Variants in APBB1IP observed in about 807,000 individuals in gnomAD.
APBB1IP encodes the protein amyloid beta precursor protein binding family B member 1 interacting protein.
APBB1IP carries 27 observed loss-of-function variants against 64.9 expected under a neutral mutation model. The ratio of observed to expected loss-of-function variants is 0.42; its 90% CI spans 0.31 to 0.57. APBB1IP has a LOEUF of 0.57. APBB1IP is among the 20% of genes least tolerant of loss of function. APBB1IP has a pLI of 0.20. For synonymous variants in APBB1IP, 392 were observed against 331.0 expected (o/e 1.18, Z -2.00); for missense variants, 812 against 845.5 (o/e 0.96, Z 0.49).
At chr10:26,515,128 G>A (rs748839658) in intron 8 of APBB1IP, among the ~76,000 whole-genome samples, 5 of 149,654 alleles carry the variant, frequency 3.3e-5, no homozygotes, top group Admixed American at 6.8e-5. Context: ...TGATCCGCCC[G>A]CCTTGGCCTC....
In APBB1IP at chr10:26,446,393, G is replaced by T. The variant is rs377053828; in HGVS notation, c.-1+7540G>T. Among the ~76,000 whole-genome samples, 200 of 152,286 alleles carry T rather than the reference G, an allele frequency of 1.3e-3. 3 individuals carry two copies. The highest frequency in any genetic ancestry group is 2.3e-3 in the Admixed American group (35 of 15,290). ...ATTTCTTCATGTGTTTACTCATTCT[G>T]TGGCATTATATTTCCCTTGTTGTAA... On this transcript the variant is annotated intron_variant, in intron 2 of 14. Coordinates refer to ENST00000376236, the MANE Select transcript of APBB1IP (RefSeq NM_019043.4).
At chr10:26,517,736 A>G (rs1351989277) in intron 8 of APBB1IP, among the ~76,000 whole-genome samples, 1 of 152,230 alleles carries the variant, frequency 6.6e-6, no homozygotes, top group Non-Finnish European at 1.5e-5. Context: ...TTTCACTGTT[A>G]GAATTCCATT....
At chr10:26,545,180 T>G (rs1050865850) in intron 11 of APBB1IP, among the ~76,000 whole-genome samples, 1 of 152,232 alleles carries the variant, frequency 6.6e-6, no homozygotes, top group East Asian at 1.9e-4. Context: ...CCTAATTTGT[T>G]TATGAACATT....
intron 2 of APBB1IP, among the ~76,000 whole-genome samples, chr10:26,442,928 T>A (rs1365290907): frequency 1.3e-5 from 2 of 152,322 alleles, no homozygotes; most frequent in Non-Finnish European, 1.5e-5. Context: ...CATGGCAGAC[T>A]GGAGTCAGGT....
chr10:26,560,790 C>T lies in APBB1IP; in HGVS notation c.1315C>T (p.Arg439Trp), dbSNP rs373720475. 120 of 1,609,796 alleles carry T rather than the reference C, an allele frequency of 7.5e-5. No individual in the cohort carries two copies. Among genetic ancestry groups the T allele is most frequent in the East Asian group, 6.5e-4 (29 of 44,816 alleles). ...RAVAKAGLAS[R>W]WTNLGTVNAA... ...TGTGGCAAAGGCTGGACTTGCCTCT[C>T]GGTGGACAAACTTGGGGACAGTCAA... Residue 439 changes from arginine to tryptophan, a missense_variant, in exon 13 of 15, where the codon CGG (arginine) becomes TGG (tryptophan). Arg to Trp is a moderately radical substitution (Grantham distance 101). This residue lies in a region of APBB1IP where 381 missense variants were observed against 352.1 expected (regional missense o/e 1.08). Transcript: ENST00000376236.
At chr10:26,565,213 C>G (rs1837024932) in intron 14 of APBB1IP, among the ~76,000 whole-genome samples, 1 of 152,180 alleles carries the variant, frequency 6.6e-6, no homozygotes, top group Admixed American at 6.5e-5. Context: ...CCTCAACCCC[C>G]AGGAGTTGCT....
At chr10:26,523,660 G>A (rs1836433363) in intron 8 of APBB1IP, among the ~76,000 whole-genome samples, 1 of 151,958 alleles carries the variant, frequency 6.6e-6, no homozygotes, top group South Asian at 2.1e-4. Flanking sequence ...AGGGGCGGGG[G>A]GACACAGTTG....
intron 8 of APBB1IP, among the ~76,000 whole-genome samples, chr10:26,518,194 C>A (rs1046463456): frequency 3.3e-5 from 5 of 149,782 alleles, no homozygotes; most frequent in Non-Finnish European, 7.4e-5. Flanking sequence ...CTCATGTGAT[C>A]TGCCTGCCTC....
Position 26,560,833 on chromosome 10 carries a change from A to G in APBB1IP, c.1358A>G (p.Gln453Arg). 1 of 1,595,156 alleles carries G rather than the reference A, an allele frequency of 6.3e-7. No homozygotes were observed. The change falls in exon 13 of 15, where the codon CAG (glutamine) becomes CGG (arginine). Residue 453 changes from glutamine (Q) to arginine (R), a missense_variant. By Grantham distance (43) the Gln-to-Arg change is conservative. Coordinates refer to ENST00000376236, the MANE Select transcript of APBB1IP (RefSeq NM_019043.4). The stretch of plus-strand genomic sequence containing the variant: ...ACAGTCAATGCAGCTGCACCAGCTC[A>G]GCCATCTACAGGTACTAAGTGGAGG... ...LGTVNAAAPA[Q>R]PSTGPKTGTT... is the part of the protein sequence containing the mutation.
intron 14 of APBB1IP, among the ~76,000 whole-genome samples, chr10:26,563,095 T>C (rs1198963183): frequency 6.6e-6 from 1 of 152,324 alleles, no homozygotes; most frequent in Non-Finnish European, 1.5e-5. Flanking sequence ...GGATTTTACT[T>C]GCCTTTTTTG....
At position 26,444,727 on chromosome 10, in the gene APBB1IP, C is replaced by T. The variant is rs542948726; in HGVS notation, c.-1+5874C>T. ...AGCAGGGTAACCATTTGGGAAGATA[C>T]TGTTATTGCTCCTATTTTGCAAATT... On this transcript the variant is annotated intron_variant, in intron 2 of 14. Coordinates refer to ENST00000376236, the MANE Select transcript of APBB1IP (RefSeq NM_019043.4). Among the ~76,000 whole-genome samples, 21 of 152,254 alleles carry T rather than the reference C, an allele frequency of 1.4e-4. No individual in the cohort carries two copies. The South Asian group carries it at 2.1e-3, about 15-fold the overall frequency.
chr10:26,441,472 C>CT (rs1835337693), intron 2 of APBB1IP, among the ~76,000 whole-genome samples: 2 of 152,142 alleles, frequency 1.3e-5, no homozygotes, highest in Non-Finnish European at 2.9e-5. Flanking sequence ...CTGAGGACAG[C>CT]TTTTGGGGGA....
intron 2 of APBB1IP, among the ~76,000 whole-genome samples, chr10:26,456,110 G>A (rs1314662371): frequency 1.3e-5 from 2 of 152,148 alleles, no homozygotes; most frequent in Non-Finnish European, 2.9e-5. Context: ...AGGAGTGAAC[G>A]GATACAGGGT....
In APBB1IP at chr10:26,497,548, C is replaced by CT. The variant is rs747623310; in HGVS notation, c.160+1158dup. Among the ~76,000 whole-genome samples, 18 of 149,484 alleles carry CT rather than the reference C, an allele frequency of 1.2e-4. No individual in the cohort carries two copies. In the East Asian group the frequency reaches 1.8e-3, roughly 15 times the overall value. ...CCTGGGCGGCAGAGCGAGACTCTGCCTCAAAAAAAAAAAGTCTTGAAACAA... is the reference window on the plus strand; with the variant it reads ...CCTGGGCGGCAGAGCGAGACTCTGCCTTCAAAAAAAAAAAGTCTTGAAACAA... On this transcript the variant is annotated intron_variant, in intron 4 of 14. Coordinates refer to ENST00000376236, the MANE Select transcript of APBB1IP (RefSeq NM_019043.4).
At chr10:26,470,755 C>T (rs1178400138) in intron 2 of APBB1IP, among the ~76,000 whole-genome samples, 4 of 152,144 alleles carry the variant, frequency 2.6e-5, no homozygotes, top group African/African-American at 7.2e-5. Flanking sequence ...TAATATGCCA[C>T]GCAATAGTCA....
intron 11 of APBB1IP, among the ~76,000 whole-genome samples, chr10:26,550,182 C>T (rs1836813591): frequency 1.3e-5 from 2 of 151,754 alleles, no homozygotes; most frequent in Non-Finnish European, 1.5e-5. Context: ...TCAGGTGCAT[C>T]GCTTTGTCTT....
intron 2 of APBB1IP, among the ~76,000 whole-genome samples, chr10:26,475,397 A>T (rs1040371254): frequency 2.0e-5 from 3 of 152,188 alleles, no homozygotes; most frequent in African/African-American, 7.2e-5. Context: ...ATGAGATTAC[A>T]GGCCGGAGCC....
chr10:26,491,533 T>C (rs370523282), intron 2 of APBB1IP, among the ~76,000 whole-genome samples: 68 of 152,196 alleles, frequency 4.5e-4, no homozygotes, highest in East Asian at 1.9e-3. Flanking sequence ...TTTCCTCTTC[T>C]TGGGCAATTG....
intron 2 of APBB1IP, among the ~76,000 whole-genome samples, chr10:26,468,079 C>T (rs1255098558): frequency 6.6e-6 from 1 of 152,112 alleles, no homozygotes; most frequent in Non-Finnish European, 1.5e-5. Context: ...AAACTAAGGC[C>T]GTATTATGGC....
Sources: allele counts gnomAD v4.1 joint callset (sites outside exome capture counted in the v4.1 genomes callset), GRCh38; gene constraint gnomAD v4.1.1; regional missense constraint gnomAD v4.1.1; transcripts MANE v1.5; gene names NCBI Gene and HGNC (gene_info 2026-07-23, HGNC 2026-07-21).